Variants in TTC7B observed in about 807,000 individuals in gnomAD.
TTC7B encodes tetratricopeptide repeat domain 7B.
In TTC7B, 28 loss-of-function variants were observed where a neutral mutation model predicts 106.8. The observed-to-expected ratio is 0.26, with a 90% CI of 0.19 to 0.36. TTC7B has a LOEUF of 0.36. TTC7B is among the 10% of genes least tolerant of loss of function. TTC7B has a pLI of 1.00. For missense variants in TTC7B, 862 were observed against 1,076.4 expected (o/e 0.80, Z 2.79); for synonymous variants, 405 against 430.6 (o/e 0.94, Z 0.74).
Position 90,808,536 on chromosome 14 carries a change from T to C in TTC7B, c.121+7639A>G, listed in dbSNP as rs1018219718. Among the ~76,000 whole-genome samples, 1 of 152,202 alleles carries C rather than the reference T, an allele frequency of 6.6e-6. No individual in the cohort carries two copies. Among genetic ancestry groups the C allele is most frequent in the Non-Finnish European group, 1.5e-5 (1 of 68,032 alleles). On this transcript the variant is annotated intron_variant, in intron 1 of 19. Coordinates refer to ENST00000328459, the MANE Select transcript of TTC7B (RefSeq NM_001010854.2). The surrounding 1 kb of genome is among the most constrained non-coding windows in gnomAD (Gnocchi z 4.2). ...TGCTGCCACCACTAGCCACACTTGATGAGCAGGGACAGACAAATCCCATGG... is the reference window on the plus strand; with the variant it reads ...TGCTGCCACCACTAGCCACACTTGACGAGCAGGGACAGACAAATCCCATGG...
At chr14:90,700,738 G>A (rs1184744812) in intron 5 of TTC7B, among the ~76,000 whole-genome samples, 1 of 86,438 alleles carries the variant, frequency 1.2e-5, no homozygotes, top group Non-Finnish European at 2.5e-5. Context: ...TGTCATTCTG[G>A]ATATTGTCAA....
intron 5 of TTC7B, chr14:90,697,663 G>A (rs912564882): frequency 1.3e-5 from 2 of 152,196 alleles, no homozygotes; most frequent in Admixed American, 6.5e-5. Context: ...CAGTGAATGC[G>A]GGTAATGCCC....
At chr14:90,642,524 CCCCATTACTGA>C (rs1360198510) in intron 15 of TTC7B, 1 of 152,288 alleles carries the variant, frequency 6.6e-6, no homozygotes, top group Non-Finnish European at 1.5e-5. Flanking sequence ...GCAGTCCCTG[CCCCATTACTGA>C]CCCTGCAACT....
Position 90,736,270 on chromosome 14 carries a change from T to A in TTC7B, c.577-6074A>T, listed in dbSNP as rs538297152. Among the ~76,000 whole-genome samples, 35 of 152,188 alleles carry A rather than the reference T, an allele frequency of 2.3e-4. No homozygotes were observed. In the East Asian group the frequency reaches 6.6e-3, roughly 29 times the overall value. ...CTGTACATAGTGAAAAAATTTTTGT[T>A]TTCTGTTTTTTTAAAAAAAGGGGAG... On this transcript the variant is annotated intron_variant, in intron 4 of 19. Coordinates refer to ENST00000328459, the MANE Select transcript of TTC7B (RefSeq NM_001010854.2).
At chr14:90,768,417 A>G (rs1258243695) in intron 3 of TTC7B, among the ~76,000 whole-genome samples, 1 of 152,198 alleles carries the variant, frequency 6.6e-6, no homozygotes, top group African/African-American at 2.4e-5. Context: ...ATCAGATCAC[A>G]TGATAACTCA....
At chr14:90,642,729 A>T (rs1412617898) in intron 15 of TTC7B, 2 of 152,226 alleles carry the variant, frequency 1.3e-5, no homozygotes, top group African/African-American at 4.8e-5. Context: ...AAAGATAAGA[A>T]GGTAGGTAGA....
At chr14:90,779,910 T>C (rs1891153175) in intron 3 of TTC7B, among the ~76,000 whole-genome samples, 1 of 152,254 alleles carries the variant, frequency 6.6e-6, no homozygotes, top group Non-Finnish European at 1.5e-5. Context: ...AGAGGACTGA[T>C]TGCTAGTGAT....
At chr14:90,660,395 C>CAAAAAAAAAAAAAAAAAA (rs57030874) in intron 9 of TTC7B, among the ~76,000 whole-genome samples, 1 of 40,892 alleles carries the variant, frequency 2.4e-5, no homozygotes, top group Non-Finnish European at 4.3e-5. Flanking sequence ...CACCCTGTCT[C>CAAAAAAAAAAAAAAAAAA]AAAAAAAAAA....
In TTC7B at chr14:90,663,799, G is replaced by A. The variant is rs1214847788; in HGVS notation, c.1153-5412C>T. 2.0e-5 allele frequency among the ~76,000 whole-genome samples: 3 copies of A among 152,200 alleles called. No homozygotes were observed. The highest frequency in any genetic ancestry group is 4.8e-5 in the African/African-American group (2 of 41,450). On this transcript the variant is annotated intron_variant, in intron 9 of 19. Coordinates refer to ENST00000328459, the MANE Select transcript of TTC7B (RefSeq NM_001010854.2). The surrounding 1 kb of genome is among the most constrained non-coding windows in gnomAD (Gnocchi z 4.5). The stretch of plus-strand genomic sequence containing the variant: ...GCCCTCCACCCCAATTCAGAGGTGT[G>A]TGAGCTCTGGCATCACAGCCGATGG...
At chr14:90,787,046 A>T (rs747216901) in intron 1 of TTC7B, among the ~76,000 whole-genome samples, 1 of 152,220 alleles carries the variant, frequency 6.6e-6, no homozygotes, top group South Asian at 2.1e-4. Context: ...GCTGTATTCT[A>T]TGCAGCTGGT....
rs1471435504 is a variant in TTC7B at position 90,730,065 on chromosome 14, G to C, written c.698+10C>G. On this transcript the variant is annotated intron_variant, in intron 5 of 19. Coordinates refer to ENST00000328459, the MANE Select transcript of TTC7B (RefSeq NM_001010854.2). Reference sequence around the variant, plus strand: ...TAGGAAGTGGATTTAAAAAAATGAAGATGGCTTACCCATTTTTGAAATAGA... The same window carrying C: ...TAGGAAGTGGATTTAAAAAAATGAACATGGCTTACCCATTTTTGAAATAGA... 1.9e-6 allele frequency: 3 copies of C among 1,593,412 alleles called. No homozygotes were observed. The highest frequency in any genetic ancestry group is 2.6e-6 in the Non-Finnish European group (3 of 1,174,164).
intron 9 of TTC7B, among the ~76,000 whole-genome samples, chr14:90,664,158 T>C (rs881218): frequency 0.38 from 57,766 of 152,016 alleles, 11,357 homozygotes; most frequent in East Asian, 0.6. Flanking sequence ...TGTTTGCCTA[T>C]CCCTTTTTAA....
Position 90,805,254 on chromosome 14 carries a change from T to G in TTC7B, c.121+10921A>C, listed in dbSNP as rs529500776. Among the ~76,000 whole-genome samples the G allele has an allele frequency of 4.6e-5, 7 of 152,160 alleles. No homozygotes were observed. The highest frequency in any genetic ancestry group is 1.7e-4 in the African/African-American group (7 of 41,530). ...GAGCTCGATGAGTAATGAATCTAAG[T>G]AAACTCCTCAAGGGCAGAGGCCAAG... On this transcript the variant is annotated intron_variant, in intron 1 of 19. Transcript: ENST00000328459. The surrounding 1 kb of genome is among the most constrained non-coding windows in gnomAD (Gnocchi z 4.0).
At chr14:90,687,841 A>G (rs1445570805) in intron 7 of TTC7B, among the ~76,000 whole-genome samples, 1 of 152,252 alleles carries the variant, frequency 6.6e-6, no homozygotes, top group Non-Finnish European at 1.5e-5. Context: ...AGAATATGCT[A>G]ACTCATCTGA....
In TTC7B at chr14:90,578,448, C is replaced by A; in HGVS notation, c.2108-140G>T. The A allele has an allele frequency of 2.4e-6, 2 of 844,948 alleles. No individual in the cohort carries two copies. Among genetic ancestry groups the A allele is most frequent in the Non-Finnish European group, 1.9e-6 (1 of 531,534 alleles). 52.3% of individuals were successfully genotyped at this position (844,948 alleles called of 1,614,324 possible). On this transcript the variant is annotated intron_variant, in intron 18 of 19. Coordinates refer to ENST00000328459, the MANE Select transcript of TTC7B (RefSeq NM_001010854.2). The surrounding 1 kb of genome is among the most constrained non-coding windows in gnomAD (Gnocchi z 4.7). The stretch of plus-strand genomic sequence containing the variant: ...AGCTGATCCCTGCTCCAAGTGGAAA[C>A]AGCTGCCGCTGACAGTCCCTCCTGC...
At chr14:90,710,147 T>C (rs1888391143) in intron 5 of TTC7B, among the ~76,000 whole-genome samples, 1 of 151,630 alleles carries the variant, frequency 6.6e-6, no homozygotes, top group Non-Finnish European at 1.5e-5. Context: ...CATCCAAATA[T>C]CAAGAAGAAC....
At chr14:90,717,044 T>C (rs1248916111) in intron 5 of TTC7B, among the ~76,000 whole-genome samples, 1 of 152,040 alleles carries the variant, frequency 6.6e-6, no homozygotes, top group South Asian at 2.1e-4. Context: ...CAAATGTCAA[T>C]TAAGAAATAA....
intron 3 of TTC7B, among the ~76,000 whole-genome samples, chr14:90,773,854 C>T (rs937574475): frequency 6.6e-6 from 1 of 152,158 alleles, no homozygotes; most frequent in Admixed American, 6.5e-5. Flanking sequence ...CAGTGTTGAT[C>T]GGCCTCACAC....
intron 5 of TTC7B, among the ~76,000 whole-genome samples, chr14:90,716,169 G>C (rs947050822): frequency 6.6e-6 from 1 of 152,162 alleles, no homozygotes. Flanking sequence ...GAGGGTGGGG[G>C]TCAGTGGGTG....
Sources: gnomAD v4.1 joint callset for allele counts (sites outside exome capture counted in the v4.1 genomes callset) on GRCh38, gnomAD v4.1.1 for gene constraint, Gnocchi (gnomAD v3.1) non-coding constraint, MANE v1.5 for transcripts, NCBI Gene and HGNC (gene_info 2026-07-23, HGNC 2026-07-21) for gene names.